Variants in TXN observed in about 807,000 individuals in gnomAD.
TXN encodes ADF.
TXN carries 10 observed loss-of-function variants against 16.5 expected under a neutral mutation model. The ratio of observed to expected loss-of-function variants is 0.61; its 90% CI spans 0.37 to 1.03. TXN has a LOEUF of 1.03. TXN is among the 50% of genes least tolerant of loss of function. The probability of loss-of-function intolerance (pLI) is 0.01; values close to 1 mark genes in which losing one functional copy is unlikely to be tolerated. For missense variants in TXN, 71 were observed against 122.5 expected, an observed-to-expected ratio of 0.58 and a Z score of 1.98; for synonymous variants, 35 against 39.4, an observed-to-expected ratio of 0.89 and a Z score of 0.42.
chr9:110,250,854 A>G lies in TXN; in HGVS notation c.155T>C (p.Val52Ala). ...ATCCACATCTACTTCAAGGAATATCACGTTGGAATACTTTTCAGAGAGGGA... is the reference window on the plus strand; with the variant it reads ...ATCCACATCTACTTCAAGGAATATCGCGTTGGAATACTTTTCAGAGAGGGA... ...FHSLSEKYSN[V>A]IFLEVDVDDC... Residue 52 changes from valine to alanine, a missense_variant, in exon 3 of 5, where the codon GTG becomes GCG. Coordinates refer to ENST00000374517, the MANE Select transcript of TXN (RefSeq NM_003329.4). The G allele has an allele frequency of 6.2e-7, 1 of 1,610,660 alleles. No homozygotes were observed. The highest frequency in any genetic ancestry group is 8.5e-7 in the Non-Finnish European group (1 of 1,179,012).
At chr9:110,247,665 C>T (rs1837676531) in intron 3 of TXN, among the ~76,000 whole-genome samples, 1 of 152,186 alleles carries the variant, frequency 6.6e-6, no homozygotes, top group South Asian at 2.1e-4. Context: ...AATAAACTTG[C>T]TTTCACTTAA....
chr9:110,245,650 A>ATTTTT (rs1230575444), intron 3 of TXN, among the ~76,000 whole-genome samples: 1 of 24,640 alleles, frequency 4.1e-5, no homozygotes, highest in African/African-American at 2.0e-4. Context: ...ATATATATAT[A>ATTTTT]TATATTTTTT....
rs759023099 is a variant in TXN, at chr9:110,250,839, A to G, written c.170T>C (p.Val57Ala). ...EKYSNVIFLE[V>A]DVDDCQDVAS... ...ACATACCTGACAGTCATCCACATCTACTTCAAGGAATATCACGTTGGAATA... is the reference window on the plus strand; with the variant it reads ...ACATACCTGACAGTCATCCACATCTGCTTCAAGGAATATCACGTTGGAATA... The change falls in exon 3 of 5, where the codon GTA becomes GCA. Residue 57 changes from valine (V) to alanine (A), a missense_variant. By Grantham distance (64) the Val-to-Ala change is moderately conservative (BLOSUM62 0). Coordinates refer to ENST00000374517, the MANE Select transcript of TXN (RefSeq NM_003329.4). The G allele has an allele frequency of 6.2e-7, 1 of 1,609,874 alleles. No homozygotes were observed. Among genetic ancestry groups the G allele is most frequent in the Non-Finnish European group, 8.5e-7 (1 of 1,178,906 alleles).
At chr9:110,246,060 C>T (rs1299726581) in intron 3 of TXN, among the ~76,000 whole-genome samples, 1 of 151,094 alleles carries the variant, frequency 6.6e-6, no homozygotes, top group Non-Finnish European at 1.5e-5. Context: ...ATGAGACTAT[C>T]TCGGGAGGAA....
Position 110,256,388 on chromosome 9 carries a change from C to T in TXN, c.24+24G>A, listed in dbSNP as rs1837810780. The T allele has an allele frequency of 1.2e-6, 2 of 1,603,012 alleles. No homozygotes were observed. The highest frequency in any genetic ancestry group is 2.7e-5 in the African/African-American group (2 of 74,592). On this transcript the variant is annotated intron_variant, in intron 1 of 4. Coordinates refer to ENST00000374517, the MANE Select transcript of TXN (RefSeq NM_003329.4). The surrounding 1 kb of genome is among the most constrained non-coding windows in gnomAD (Gnocchi z 4.2). ...AGAGGCCGCGCGCGGCGCCGGCACCCTGGCCTTCCCCGGTAGCGCGTACCT... is the reference window on the plus strand; with the variant it reads ...AGAGGCCGCGCGCGGCGCCGGCACCTTGGCCTTCCCCGGTAGCGCGTACCT...
At chr9:110,245,024 C>T (rs1022739279) in intron 3 of TXN, 181 bp from the exon 4 acceptor site, 77 of 429,732 alleles carry the variant, frequency 1.8e-4, no homozygotes, top group Non-Finnish European at 2.3e-4. Flanking sequence ...AAAGCCAAAC[C>T]GGTTATATTC....
At position 110,256,367 on chromosome 9, in the gene TXN, G is replaced by A. The variant is rs755252402; in HGVS notation, c.24+45C>T. 1.6e-5 allele frequency: 26 copies of A among 1,590,468 alleles called. No homozygotes were observed. The South Asian group carries it at 3.0e-4, about 18-fold the overall frequency. On this transcript the variant is annotated intron_variant, in intron 1 of 4. Coordinates refer to ENST00000374517, the MANE Select transcript of TXN (RefSeq NM_003329.4). This position sits in a 1 kb window ranked among gnomAD's most constrained non-coding sequence, Gnocchi z 4.2. Reference sequence around the variant, plus strand: ...GCCACCGCCTTCCCCAGTTACAGAGGCCGCGCGCGGCGCCGGCACCCTGGC... The same window carrying A: ...GCCACCGCCTTCCCCAGTTACAGAGACCGCGCGCGGCGCCGGCACCCTGGC...
chr9:110,252,525 TTAAA>T (rs1837754518), intron 1 of TXN, among the ~76,000 whole-genome samples: 2 of 152,242 alleles, frequency 1.3e-5, no homozygotes, highest in Admixed American at 1.3e-4. Flanking sequence ...GGAATGCTTG[TTAAA>T]TAAAATTCTC....
chr9:110,245,625 T>C (rs1441716314), intron 3 of TXN, among the ~76,000 whole-genome samples: 452 of 18,818 alleles, frequency 0.024, 15 homozygotes, highest in East Asian at 0.12. Context: ...ACACTATATA[T>C]ATATATATAT....
At chr9:110,251,574 C>G (rs1031392807) in intron 1 of TXN, 112 bp from the exon 2 acceptor site, 3 of 122,240 alleles carry the variant, frequency 2.5e-5, no homozygotes, top group African/African-American at 3.8e-5. Context: ...CTTTCAGGAC[C>G]TACTTTTTAG....
chr9:110,252,223 C>CAAAAAAAAAAAAAAAAAAAAAAAAAAAAA (rs377246017), intron 1 of TXN, among the ~76,000 whole-genome samples: 2 of 58,396 alleles, frequency 3.4e-5, no homozygotes, highest in African/African-American at 1.8e-4. Flanking sequence ...GACTCTGTCG[C>CAAAAAAAAAAAAAAAAAAAAAAAAAAAAA]AAAAAAAAAA....
chr9:110,255,311 C>A (rs1027311341), intron 1 of TXN, among the ~76,000 whole-genome samples: 1 of 152,228 alleles, frequency 6.6e-6, no homozygotes, highest in African/African-American at 2.4e-5. Flanking sequence ...ACTTTTCTGA[C>A]GCTGCATTTA....
In TXN at chr9:110,256,340, C is replaced by T. The variant is rs1837809669; in HGVS notation, c.24+72G>A. 7.9e-6 allele frequency: 12 copies of T among 1,527,536 alleles called. No individual in the cohort carries two copies. Among genetic ancestry groups the T allele is most frequent in the Admixed American group, 3.8e-5 (2 of 52,956 alleles). The allele number at this position is 1,527,536 out of a possible 1,614,324, so 94.6% of individuals were successfully genotyped here. ...CTCCCGCCACCGCCTTCCCCACCTCCCGCCACCGCCTTCCCCAGTTACAGA... is the reference window on the plus strand; with the variant it reads ...CTCCCGCCACCGCCTTCCCCACCTCTCGCCACCGCCTTCCCCAGTTACAGA... On this transcript the variant is annotated intron_variant, in intron 1 of 4. Coordinates refer to ENST00000374517, the MANE Select transcript of TXN (RefSeq NM_003329.4). This position sits in a 1 kb window ranked among gnomAD's most constrained non-coding sequence, Gnocchi z 4.2.
At position 110,252,223 on chromosome 9, in the gene TXN, C is replaced by CAAAAAAGAAAAAAAAAA. The variant is rs1554695822; in HGVS notation, c.25-762_25-761insTTTTTTTTTTCTTTTTT. On this transcript the variant is annotated intron_variant, in intron 1 of 4. Transcript: ENST00000374517. ...TGGGCAATAGACGGAGACTCTGTCG[C>CAAAAAAGAAAAAAAAAA]AAAAAAAAAAAAAAAAAAAAAAGCT... Among the ~76,000 whole-genome samples the CAAAAAAGAAAAAAAAAA allele has an allele frequency of 6.8e-5, 4 of 58,396 alleles. 1 individual carries two copies. Among genetic ancestry groups the CAAAAAAGAAAAAAAAAA allele is most frequent in the Non-Finnish European group, 8.7e-5 (3 of 34,356 alleles). The allele number at this position is 58,396 out of a possible 152,430, so 38.3% of individuals were successfully genotyped here.
intron 3 of TXN, among the ~76,000 whole-genome samples, chr9:110,248,306 C>T (rs1373746040): frequency 2.6e-5 from 4 of 152,332 alleles, no homozygotes; most frequent in East Asian, 1.9e-4. Flanking sequence ...ACCTCTCAGT[C>T]CTGCAAGTCC....
chr9:110,246,959 C>T (rs1837667339), intron 3 of TXN, among the ~76,000 whole-genome samples: 2 of 152,250 alleles, frequency 1.3e-5, no homozygotes, highest in South Asian at 4.2e-4. Context: ...ACTACTCATA[C>T]TTTTCTATCA....
chr9:110,250,007 C>T (rs1837708242), intron 3 of TXN, among the ~76,000 whole-genome samples: 2 of 152,148 alleles, frequency 1.3e-5, no homozygotes, highest in Admixed American at 1.3e-4. Context: ...ACCTCCTCAA[C>T]CCGCTCTCCT....
chr9:110,254,655 C>T (rs1837782724), intron 1 of TXN, among the ~76,000 whole-genome samples: 1 of 152,156 alleles, frequency 6.6e-6, no homozygotes, highest in Non-Finnish European at 1.5e-5. Context: ...TTTTAAAGTT[C>T]CTGTCACCCT....
intron 1 of TXN, among the ~76,000 whole-genome samples, chr9:110,252,245 A>AAAG (rs199937630): frequency 4.0e-4 from 55 of 136,158 alleles, no homozygotes; most frequent in Non-Finnish European, 5.6e-4. Context: ...AAAAAAAAAA[A>AAAG]GCTATGACTT....
Sources: allele counts gnomAD v4.1 joint callset (sites outside exome capture counted in the v4.1 genomes callset), GRCh38; gene constraint gnomAD v4.1.1; non-coding constraint Gnocchi (gnomAD v3.1); transcripts MANE v1.5; gene names NCBI Gene and HGNC (gene_info 2026-07-23, HGNC 2026-07-21).